The following CDKAL1 variants were observed in gnomAD, a reference collection of about 807,000 sequenced individuals.
CDKAL1 encodes the protein threonylcarbamoyladenosine tRNA methylthiotransferase.
A neutral mutation model predicts 68.2 loss-of-function variants in CDKAL1; 32 were observed. That is an observed-to-expected ratio of 0.47 (90% CI 0.35 to 0.63). CDKAL1 has a LOEUF of 0.63. CDKAL1 is among the 30% of genes least tolerant of loss of function. The pLI, the probability that CDKAL1 is intolerant of heterozygous loss-of-function variation, is 0.00. For missense variants in CDKAL1, 606 were observed against 696.7 expected (o/e 0.87, Z 1.47); for synonymous variants, 234 against 244.3 (o/e 0.96, Z 0.39).
intron 9 of CDKAL1, among the ~76,000 whole-genome samples, chr6:20,909,313 G>A (rs1762366733): frequency 6.6e-6 from 1 of 151,900 alleles, no homozygotes; most frequent in Admixed American, 6.6e-5. Context: ...AAGAAAATTG[G>A]GATTAGGGAA....
chr6:21,063,196 T>C (rs1771240675), intron 11 of CDKAL1, among the ~76,000 whole-genome samples: 1 of 152,242 alleles, frequency 6.6e-6, no homozygotes, highest in South Asian at 2.1e-4. Flanking sequence ...ATTACAGGCA[T>C]GATCCACTAC....
chr6:20,800,432 A>C (rs1335967027), intron 8 of CDKAL1, among the ~76,000 whole-genome samples: 1 of 152,192 alleles, frequency 6.6e-6, no homozygotes, highest in East Asian at 1.9e-4. Context: ...CCCTGAGGCA[A>C]ATTGGTCTGG....
chr6:20,729,917 G>T (rs1405422679), intron 5 of CDKAL1, among the ~76,000 whole-genome samples: 1 of 152,186 alleles, frequency 6.6e-6, no homozygotes, highest in African/African-American at 2.4e-5. Flanking sequence ...CATACTCTAA[G>T]CCTGGTAGCA....
At position 20,955,709 on chromosome 6, in the gene CDKAL1, G is replaced by A. The variant is rs1184821076; in HGVS notation, c.909+124G>A. 2.0e-5 allele frequency: 14 copies of A among 712,214 alleles called. No homozygotes were observed. In the East Asian group the frequency reaches 2.2e-4, roughly 11 times the overall value. 44.1% of individuals were successfully genotyped at this position (712,214 alleles called of 1,614,324 possible). On this transcript the variant is annotated intron_variant, in intron 10 of 15. Coordinates refer to ENST00000274695, the MANE Select transcript of CDKAL1 (RefSeq NM_017774.3). ...CTTCACATTTTTTTTTTGTAGTCCC[G>A]CATTTCCAAGAATGAATCAAGACTT...
At position 21,056,189 on chromosome 6, in the gene CDKAL1, C is replaced by G. The variant is rs141746641; in HGVS notation, c.1056-8859C>G. On this transcript the variant is annotated intron_variant, in intron 11 of 15. Transcript: ENST00000274695. ...GTTTTTCCATTTGTTTGTGTCCTCTCTTATTTCTTTGAACGGTGGTTTGTA... is the reference window on the plus strand; with the variant it reads ...GTTTTTCCATTTGTTTGTGTCCTCTGTTATTTCTTTGAACGGTGGTTTGTA... 4.6e-3 allele frequency among the ~76,000 whole-genome samples: 702 copies of G among 152,122 alleles called. 7 individuals carry two copies. The highest frequency in any genetic ancestry group is 0.014 in the African/African-American group (586 of 41,524).
intron 5 of CDKAL1, among the ~76,000 whole-genome samples, chr6:20,711,876 A>G (rs1771862995): frequency 6.6e-6 from 1 of 152,228 alleles, no homozygotes; most frequent in Non-Finnish European, 1.5e-5. Context: ...TCTTTTTAGT[A>G]GGTAGAAAAC....
intron 11 of CDKAL1, among the ~76,000 whole-genome samples, chr6:21,019,717 G>GGA (rs1374424470): frequency 3.3e-5 from 5 of 151,870 alleles, no homozygotes; most frequent in Admixed American, 2.0e-4. Context: ...TTAATTAATT[G>GGA]GATATATATA....
intron 8 of CDKAL1, among the ~76,000 whole-genome samples, chr6:20,822,632 C>A (rs1334632027): frequency 6.6e-6 from 1 of 152,090 alleles, no homozygotes; most frequent in Admixed American, 6.6e-5. Flanking sequence ...ACGGGAGAGT[C>A]CAGGTGGAGG....
At chr6:20,634,977 C>CAAA (rs142659533) in intron 4 of CDKAL1, among the ~76,000 whole-genome samples, 13 of 99,688 alleles carry the variant, frequency 1.3e-4, no homozygotes, top group East Asian at 2.6e-4. Flanking sequence ...AACCCCGTCT[C>CAAA]AAAAAAAAAA....
In CDKAL1 at chr6:20,677,749, C is replaced by G. The variant is rs138231668; in HGVS notation, c.371+28372C>G. The stretch of plus-strand genomic sequence containing the variant: ...GTCTCTAATTTATCTTTTATTCTTG[C>G]ATTTTTACTGCTAAGTTTTAGTAAT... On this transcript the variant is annotated intron_variant, in intron 5 of 15. Coordinates refer to ENST00000274695, the MANE Select transcript of CDKAL1 (RefSeq NM_017774.3). Among the ~76,000 whole-genome samples the G allele has an allele frequency of 2.5e-3, 384 of 152,238 alleles. 2 individuals carry two copies. Among genetic ancestry groups the G allele is most frequent in the African/African-American group, 7.8e-3 (322 of 41,544 alleles).
intron 5 of CDKAL1, among the ~76,000 whole-genome samples, chr6:20,695,116 T>C (rs1771053526): frequency 6.6e-6 from 1 of 152,222 alleles, no homozygotes; most frequent in African/African-American, 2.4e-5. Context: ...AATGCAGTGC[T>C]GCTGCTTTTC....
chr6:21,173,713 A>G (rs1298009652), intron 13 of CDKAL1, among the ~76,000 whole-genome samples: 1 of 152,228 alleles, frequency 6.6e-6, no homozygotes, highest in East Asian at 1.9e-4. Flanking sequence ...CAGGAACTGC[A>G]GGAAAATCAA....
At chr6:21,133,219 A>G (rs1775418588) in intron 13 of CDKAL1, among the ~76,000 whole-genome samples, 1 of 152,222 alleles carries the variant, frequency 6.6e-6, no homozygotes, top group South Asian at 2.1e-4. Context: ...CTTTGTTACT[A>G]TGTGGCACTG....
intron 4 of CDKAL1, among the ~76,000 whole-genome samples, chr6:20,618,316 C>G (rs1295741808): frequency 2.0e-5 from 3 of 152,112 alleles, no homozygotes; most frequent in Admixed American, 6.5e-5. Context: ...GATATTAGCC[C>G]TTTGTCAGAT....
chr6:21,031,908 A>G (rs1769309623), intron 11 of CDKAL1, among the ~76,000 whole-genome samples: 1 of 152,002 alleles, frequency 6.6e-6, no homozygotes, highest in South Asian at 2.1e-4. Flanking sequence ...TTTGCTGAGG[A>G]CCATCCTGGT....
intron 11 of CDKAL1, among the ~76,000 whole-genome samples, chr6:21,046,993 A>C (rs1200703844): frequency 6.6e-6 from 1 of 152,242 alleles, no homozygotes; most frequent in East Asian, 1.9e-4. Context: ...GAAAGTTGCA[A>C]ATAAATTCAA....
chr6:21,105,076 A>G (rs945387182), intron 12 of CDKAL1, among the ~76,000 whole-genome samples: 10 of 152,216 alleles, frequency 6.6e-5, no homozygotes, highest in Non-Finnish European at 1.3e-4. Flanking sequence ...TAACAAAGGA[A>G]GTGTTAGCAT....
chr6:21,089,911 C>A (rs771595926), intron 12 of CDKAL1, among the ~76,000 whole-genome samples: 13 of 152,316 alleles, frequency 8.5e-5, no homozygotes, highest in Non-Finnish European at 1.3e-4. Context: ...GAATGCATAG[C>A]TACAACCAAT....
chr6:20,971,541 T>C (rs114543725), intron 10 of CDKAL1, among the ~76,000 whole-genome samples: 2 of 152,082 alleles, frequency 1.3e-5, no homozygotes, highest in Admixed American at 6.5e-5. Context: ...ACTTAAAGAG[T>C]CATTTTGAAA....
Sources: allele counts gnomAD v4.1 joint callset (sites outside exome capture counted in the v4.1 genomes callset), GRCh38; gene constraint gnomAD v4.1.1; transcripts MANE v1.5; gene names NCBI Gene and HGNC (gene_info 2026-07-23, HGNC 2026-07-21).